Variants in CHMP1A observed in about 807,000 individuals in gnomAD.
CHMP1A encodes VPS46 homolog A.
Under a neutral mutation model 27.0 loss-of-function variants are expected in CHMP1A, and 17 were observed. The observed-to-expected ratio is 0.63, with a 90% confidence interval of 0.43 to 0.95. CHMP1A has a LOEUF of 0.95. Among genes scored for constraint, CHMP1A ranks in the 40% least tolerant of loss-of-function variants. The pLI, the probability that CHMP1A is intolerant of heterozygous loss-of-function variation, is 0.00. For synonymous variants in CHMP1A, 131 were observed against 107.5 expected (o/e 1.22, Z -1.35); for missense variants, 275 against 264.0 (o/e 1.04, Z -0.29).
At chr16:89,652,098 G>C (rs2059828883) in intron 2 of CHMP1A, among the ~76,000 whole-genome samples, 1 of 152,258 alleles carries the variant, frequency 6.6e-6, no homozygotes, top group Non-Finnish European at 1.5e-5. Flanking sequence ...GTTATCTCGA[G>C]AGAATGCTGT....
rs150752906 is a variant in CHMP1A at position 89,649,208 on chromosome 16, G to A, written c.252+143C>T. The A allele has an allele frequency of 5.3e-3, 1,999 of 374,344 alleles. 33 individuals carry two copies. The African/African-American group carries it at 0.095, about 18-fold the overall frequency. The allele number at this position is 374,344 out of a possible 1,614,324, so 23.2% of individuals were successfully genotyped here. The stretch of plus-strand genomic sequence containing the variant: ...CCAGCCCTCAACCTCCCCACCCCAC[G>A]CTGATCCAGCTTCCCTCAACCTCCC... On this transcript the variant is annotated intron_variant, in intron 4 of 6. Coordinates refer to ENST00000397901, the MANE Select transcript of CHMP1A (RefSeq NM_002768.5).
chr16:89,654,508 C>T (rs1001555571), intron 1 of CHMP1A, among the ~76,000 whole-genome samples: 1 of 152,118 alleles, frequency 6.6e-6, no homozygotes, highest in Non-Finnish European at 1.5e-5. Context: ...TCTTAGACAT[C>T]AAAGAGCTGA....
chr16:89,649,679 C>G, intron 3 of CHMP1A, 182 bp from the exon 4 acceptor site: 1 of 649,128 alleles, frequency 1.5e-6, no homozygotes, highest in Non-Finnish European at 2.6e-6. Flanking sequence ...AGGTTCATGC[C>G]ATTCTCCTGC....
At position 89,653,975 on chromosome 16, in the gene CHMP1A, A is replaced by G. The variant is rs374703827; in HGVS notation, c.8-52T>C. 2.5e-6 allele frequency: 4 copies of G among 1,591,450 alleles called. No homozygotes were observed. In the Admixed American group the frequency reaches 5.0e-5, roughly 20 times the overall value. On this transcript the variant is annotated intron_variant, in intron 1 of 6. Coordinates refer to ENST00000397901, the MANE Select transcript of CHMP1A (RefSeq NM_002768.5). ...TTGAGGATTGGGAATGGGACGTTAC[A>G]CTTCTGGCAGGCAGGACTCACTAGG...
At chr16:89,653,397 G>A (rs1197843678) in intron 2 of CHMP1A, among the ~76,000 whole-genome samples, 2 of 149,934 alleles carry the variant, frequency 1.3e-5, no homozygotes, top group African/African-American at 4.9e-5. Flanking sequence ...GAGGTAGGCG[G>A]ATCACGAGGT....
At chr16:89,657,512 A>C in intron 1 of CHMP1A, 70 bp downstream of exon 1, 2 of 1,576,496 alleles carry the variant, frequency 1.3e-6, no homozygotes, top group Non-Finnish European at 1.7e-6. Flanking sequence ...AGGTGGGCGG[A>C]GCCCACGCCA....
intron 2 of CHMP1A, among the ~76,000 whole-genome samples, chr16:89,653,023 T>A (rs926169853): frequency 4.4e-5 from 2 of 44,976 alleles, no homozygotes; most frequent in African/African-American, 2.3e-4. Context: ...TTCTTTTCTT[T>A]TTTTTTTTTT....
chr16:89,651,462 G>GC, intron 3 of CHMP1A, 107 bp downstream of exon 3: 1 of 826,672 alleles, frequency 1.2e-6, no homozygotes, highest in Non-Finnish European at 2.0e-6. Flanking sequence ...AAAGTGCCCT[G>GC]CCCCTCCCCA....
rs754098448 is a variant in CHMP1A, at chr16:89,646,484, G to A, written c.569+43C>T. On this transcript the variant is annotated intron_variant, in intron 6 of 6. Transcript: ENST00000397901. ...CCCTCTCTCCCTTCCCACAGCACCA[G>A]AGCGTGGGGTTGGTGACACAGCGTT... The A allele has an allele frequency of 7.3e-6, 11 of 1,509,326 alleles. No homozygotes were observed. The South Asian group carries it at 1.2e-4, about 17-fold the overall frequency. 93.5% of individuals were successfully genotyped at this position (1,509,326 alleles called of 1,614,324 possible).
intron 2 of CHMP1A, among the ~76,000 whole-genome samples, chr16:89,653,526 G>C (rs915065228): frequency 2.8e-4 from 41 of 147,612 alleles, no homozygotes; most frequent in African/African-American, 9.5e-4. Flanking sequence ...AGGAGGCTAA[G>C]GCAGGAGAAT....
In CHMP1A at chr16:89,646,981, C is replaced by T. The variant is rs539709454; in HGVS notation, c.381+222G>A. On this transcript the variant is annotated intron_variant, in intron 5 of 6. Transcript: ENST00000397901. Reference sequence around the variant, plus strand: ...GCATGCTTGTCTGCCATCCGAGCCTCCCCACAAGGAGCCAGGTGCCTGCAG... The same window carrying T: ...GCATGCTTGTCTGCCATCCGAGCCTTCCCACAAGGAGCCAGGTGCCTGCAG... The T allele has an allele frequency of 5.4e-6, 8 of 1,470,312 alleles. 1 individual carries two copies. The South Asian group carries it at 7.7e-5, about 14-fold the overall frequency. 91.1% of individuals were successfully genotyped at this position (1,470,312 alleles called of 1,614,324 possible).
At chr16:89,646,200 T>TGAC in intron 6 of CHMP1A, 113 bp from the exon 7 acceptor site, 1 of 977,646 alleles carries the variant, frequency 1.0e-6, no homozygotes, top group East Asian at 2.6e-5. Context: ...ATAACATGAG[T>TGAC]GACAGGCCTT....
At chr16:89,649,700 C>T (rs1434478769) in intron 3 of CHMP1A, 8 of 577,876 alleles carry the variant, frequency 1.4e-5, no homozygotes, top group Admixed American at 1.4e-4. Context: ...CTCAGCCTCC[C>T]GAGTAGTTGG....
intron 4 of CHMP1A, among the ~76,000 whole-genome samples, chr16:89,647,875 C>G (rs375880170): frequency 6.5e-5 from 1 of 15,502 alleles, no homozygotes; most frequent in Non-Finnish European, 1.7e-4. Flanking sequence ...GCGCGGGGTC[C>G]GTGGAGAAAA....
chr16:89,648,999 T>C (rs2059803003), intron 4 of CHMP1A, among the ~76,000 whole-genome samples: 1 of 151,666 alleles, frequency 6.6e-6, no homozygotes, highest in Admixed American at 6.6e-5. Flanking sequence ...CACTCCAGCC[T>C]GGGTGACAGA....
intron 5 of CHMP1A, 170 bp from the exon 6 acceptor site, chr16:89,646,884 G>GCCCCCCCCCCCCCCCCCCCCCCC: frequency 1.4e-6 from 1 of 709,060 alleles, no homozygotes. Flanking sequence ...AGCCTTTCCT[G>GCCCCCCCCCCCCCCCCCCCCCCC]CCCCCCCACC....
Position 89,645,537 on chromosome 16 carries a change from G to A in CHMP1A, c.*529C>T, listed in dbSNP as rs994292888. 1.2e-4 allele frequency: 23 copies of A among 186,968 alleles called. No homozygotes were observed. The South Asian group carries it at 1.8e-3, about 14-fold the overall frequency. 11.6% of individuals were successfully genotyped at this position (186,968 alleles called of 1,614,324 possible). On this transcript the variant is annotated 3_prime_UTR_variant, in exon 7 of 7. Transcript: ENST00000397901. ...GAGACACCACCCCTGGAGTGATGGA[G>A]GAGGAGGATGTCATTGTAAATACCA...
intron 1 of CHMP1A, among the ~76,000 whole-genome samples, chr16:89,654,209 A>G (rs1444258970): frequency 6.6e-6 from 1 of 152,220 alleles, no homozygotes; most frequent in East Asian, 1.9e-4. Context: ...TCAAAGGGTT[A>G]GTGTGAGGAC....
Position 89,647,193 on chromosome 16 carries a change from G to A in CHMP1A, c.381+10C>T. On this transcript the variant is annotated intron_variant, in intron 5 of 6. Transcript: ENST00000397901. The stretch of plus-strand genomic sequence containing the variant: ...CCCAGGCCACAGCCCCAAGGGTAGG[G>A]GCCACATACCGATGTATGGACGTCC... 1 of 1,608,008 alleles carries A rather than the reference G, an allele frequency of 6.2e-7. No individual in the cohort carries two copies. The highest frequency in any genetic ancestry group is 8.5e-7 in the Non-Finnish European group (1 of 1,178,022).
Sources: gnomAD v4.1 joint callset for allele counts (sites outside exome capture counted in the v4.1 genomes callset) on GRCh38, gnomAD v4.1.1 for gene constraint, MANE v1.5 for transcripts, NCBI Gene and HGNC (gene_info 2026-07-23, HGNC 2026-07-21) for gene names.